Variants in ITPR2 observed in about 807,000 individuals in gnomAD.
ITPR2 encodes inositol 1,4,5-trisphosphate-gated calcium channel ITPR2.
Under a neutral mutation model 317.1 loss-of-function variants are expected in ITPR2, and 207 were observed. The ratio of observed to expected loss-of-function variants is 0.65; its 90% CI spans 0.58 to 0.73. The LOEUF is 0.73. ITPR2 is among the 30% of genes least tolerant of loss of function. The pLI is 0.00. For synonymous variants in ITPR2, 1,156 were observed against 1,149.1 expected (o/e 1.01, Z -0.12); for missense variants, 2,613 against 3,284.0 (o/e 0.80, Z 4.99).
chr12:26,562,024 T>C, intron 34 of ITPR2, 72 bp from the exon 35 acceptor site: 1 of 1,044,938 alleles, frequency 9.6e-7, no homozygotes, highest in Non-Finnish European at 1.3e-6. Context: ...CCATACAATC[T>C]TATAAACATA....
rs752117686 is a variant in ITPR2 at position 26,682,667 on chromosome 12, T to A, written c.1155A>T (p.Ser385=). ...QRADCLVPRN[S]YVRLRHLCTN... is the part of the protein sequence containing the mutation. ...TGCATAAATGCCTTAACCGAACATA[T>A]GAGTTCCTAAAAGCAAAACAATATA... Residue 385 remains serine (S), a synonymous_variant, in exon 12 of 57, where the codon TCA becomes TCT. Transcript: ENST00000381340. 38 of 1,607,998 alleles carry A rather than the reference T, an allele frequency of 2.4e-5. No individual in the cohort carries two copies. The highest frequency in any genetic ancestry group is 3.2e-5 in the Non-Finnish European group (38 of 1,175,664).
chr12:26,591,079 CAAAAAAAAA>C (rs34387951), intron 32 of ITPR2, among the ~76,000 whole-genome samples: 3 of 43,408 alleles, frequency 6.9e-5, no homozygotes, highest in African/African-American at 9.1e-5. Flanking sequence ...GACTCCATCT[CAAAAAAAAA>C]AAAAAAAAAA....
chr12:26,405,272 T>C (rs1054436730), intron 52 of ITPR2, among the ~76,000 whole-genome samples: 2 of 152,228 alleles, frequency 1.3e-5, no homozygotes, highest in African/African-American at 4.8e-5. Context: ...TATATACCTA[T>C]GAAGAACTTA....
intron 47 of ITPR2, 42 bp downstream of exon 47, chr12:26,439,085 C>A: frequency 2.4e-6 from 3 of 1,262,720 alleles, no homozygotes; most frequent in Non-Finnish European, 1.1e-6. Context: ...AAATTATCTA[C>A]CACTATGCAC....
At chr12:26,767,328 A>G (rs575588084) in intron 2 of ITPR2, among the ~76,000 whole-genome samples, 5 of 152,330 alleles carry the variant, frequency 3.3e-5, no homozygotes, top group African/African-American at 7.2e-5. Context: ...AGAGGTTCAG[A>G]GCAGCTTCAC....
At chr12:26,345,133 A>G (rs182413429) in intron 55 of ITPR2, among the ~76,000 whole-genome samples, 28 of 152,254 alleles carry the variant, frequency 1.8e-4, no homozygotes, top group African/African-American at 6.0e-4. Context: ...CTTAATTTTT[A>G]AGAGACCTGA....
rs1039504728 is a variant in ITPR2, at chr12:26,337,112, T to C, written c.*2285A>G. The C allele has an allele frequency of 6.6e-6, 1 of 152,146 alleles. No homozygotes were observed. Among genetic ancestry groups the C allele is most frequent in the African/African-American group, 2.4e-5 (1 of 41,442 alleles). 9.4% of individuals were successfully genotyped at this position (152,146 alleles called of 1,614,324 possible). On this transcript the variant is annotated 3_prime_UTR_variant, in exon 57 of 57. Coordinates refer to ENST00000381340, the MANE Select transcript of ITPR2 (RefSeq NM_002223.4). Reference sequence around the variant, plus strand: ...TTAGTTGCAGTCTCTTTTGAATACTTTCCTTGGGAGAAAATATGCTGTGAA... The same window carrying C: ...TTAGTTGCAGTCTCTTTTGAATACTCTCCTTGGGAGAAAATATGCTGTGAA...
chr12:26,597,257 AG>A, intron 30 of ITPR2, 123 bp from the exon 31 acceptor site: 2 of 1,079,288 alleles, frequency 1.9e-6, no homozygotes, highest in Non-Finnish European at 2.7e-6. Context: ...AATACGGCAA[AG>A]ACAGAGCTAT....
intron 37 of ITPR2, among the ~76,000 whole-genome samples, chr12:26,544,864 G>A (rs1011614957): frequency 6.6e-6 from 1 of 152,080 alleles, no homozygotes; most frequent in Admixed American, 6.5e-5. Flanking sequence ...TAACCTATGT[G>A]ACTTAACGCA....
chr12:26,776,239 G>C (rs1351912956), intron 2 of ITPR2, among the ~76,000 whole-genome samples: 1 of 152,046 alleles, frequency 6.6e-6, no homozygotes, highest in East Asian at 1.9e-4. Flanking sequence ...GGAATTTAGT[G>C]ACTCTATATA....
chr12:26,693,418 T>C (rs140877792), intron 10 of ITPR2, among the ~76,000 whole-genome samples: 68 of 152,334 alleles, frequency 4.5e-4, no homozygotes, highest in African/African-American at 1.6e-3. Flanking sequence ...CCATACCCTA[T>C]GTAGTCAACC....
chr12:26,379,515 T>C (rs1431596708), intron 55 of ITPR2, among the ~76,000 whole-genome samples: 1 of 152,178 alleles, frequency 6.6e-6, no homozygotes, highest in Non-Finnish European at 1.5e-5. Context: ...AATATTTAGC[T>C]GGTATGCAAA....
intron 55 of ITPR2, among the ~76,000 whole-genome samples, chr12:26,341,115 C>T (rs141696013): frequency 1.6e-3 from 251 of 152,264 alleles, no homozygotes; most frequent in African/African-American, 5.6e-3. Flanking sequence ...TTTCCATCCT[C>T]CCCAAAGCTC....
chr12:26,735,302 T>C (rs1468296093), intron 2 of ITPR2, among the ~76,000 whole-genome samples: 1 of 152,216 alleles, frequency 6.6e-6, no homozygotes, highest in African/African-American at 2.4e-5. Context: ...GTGCCTGGCC[T>C]AGCCAGGCTT....
At chr12:26,653,176 C>T (rs1396650199) in intron 21 of ITPR2, among the ~76,000 whole-genome samples, 2 of 152,038 alleles carry the variant, frequency 1.3e-5, no homozygotes, top group Admixed American at 1.3e-4. Flanking sequence ...CACAGGTTCC[C>T]ACACTGGCGT....
intron 34 of ITPR2, among the ~76,000 whole-genome samples, chr12:26,564,260 A>T (rs933980268): frequency 6.6e-5 from 10 of 152,344 alleles, no homozygotes; most frequent in East Asian, 3.9e-4. Context: ...GAATTTAAAT[A>T]TCTAACAAAT....
intron 55 of ITPR2, among the ~76,000 whole-genome samples, chr12:26,375,424 A>C (rs1238455474): frequency 1.3e-5 from 2 of 152,206 alleles, no homozygotes; most frequent in Non-Finnish European, 2.9e-5. Flanking sequence ...TTCATACTAA[A>C]ATGTAATCAA....
chr12:26,802,445 C>G (rs1950571400), intron 1 of ITPR2, among the ~76,000 whole-genome samples: 1 of 151,792 alleles, frequency 6.6e-6, no homozygotes, highest in African/African-American at 2.4e-5. Context: ...CTCAGGAGTT[C>G]AAGACCAGCC....
At chr12:26,610,272 A>G (rs1946231998) in intron 26 of ITPR2, among the ~76,000 whole-genome samples, 2 of 152,218 alleles carry the variant, frequency 1.3e-5, no homozygotes, top group African/African-American at 4.8e-5. Context: ...ATGTAGAACT[A>G]TTTTCCCACT....
Sources: allele counts gnomAD v4.1 joint callset (sites outside exome capture counted in the v4.1 genomes callset), GRCh38; gene constraint gnomAD v4.1.1; transcripts MANE v1.5; gene names NCBI Gene and HGNC (gene_info 2026-07-23, HGNC 2026-07-21).